FLII: variants seen among roughly 807,000 people sequenced by gnomAD.
The protein encoded by FLII is FLII actin remodeling protein.
Under a neutral mutation model 156.2 loss-of-function variants are expected in FLII, and 101 were observed. That is an observed-to-expected ratio of 0.65 (90% CI 0.55 to 0.76). The LOEUF is 0.76. Among genes scored for constraint, FLII ranks in the 30% least tolerant of loss-of-function variants. The pLI, the probability that FLII is intolerant of heterozygous loss-of-function variation, is 0.00. For missense variants in FLII, 1,675 were observed against 1,682.8 expected, an observed-to-expected ratio of 1.00 and a Z score of 0.08; for synonymous variants, 767 against 685.8, an observed-to-expected ratio of 1.12 and a Z score of -1.85.
In FLII at chr17:18,247,284, A is replaced by G; in HGVS notation, c.2561T>C (p.Leu854Pro). The part of the protein sequence containing the change: ...VDYTRNAEAV[L>P]QSPGLSGKVK... ...CTTCCCGGAGAGACCCGGGCTCTGC[A>G]GCACGGCCTCCGCATTGCGTGTGTA... Residue 854 changes from leucine to proline, a missense_variant, in exon 21 of 30, where the codon CTG becomes CCG. Around this residue, in one of 2 missense-constraint regions of FLII, gnomAD observed 1,332 missense variants for 1,269.3 expected, o/e 1.05. Coordinates refer to ENST00000327031, the MANE Select transcript of FLII (RefSeq NM_002018.4). The G allele has an allele frequency of 6.2e-7, 1 of 1,613,036 alleles. No individual in the cohort carries two copies. The highest frequency in any genetic ancestry group is 1.7e-4 in the Middle Eastern group (1 of 6,056).
chr17:18,246,139 C>G (rs769898644), intron 25 of FLII, 23 bp downstream of exon 25: 7 of 1,614,198 alleles, frequency 4.3e-6, no homozygotes, highest in Non-Finnish European at 5.9e-6. Flanking sequence ...CCACGGAGTC[C>G]TGGCTCACAC....
intron 2 of FLII, 132 bp from the exon 3 acceptor site, chr17:18,256,729 C>T (rs1351924389): frequency 1.2e-6 from 1 of 842,846 alleles, no homozygotes; most frequent in East Asian, 2.7e-5. Flanking sequence ...AGCTTCCCTC[C>T]CTCACTCACC....
Position 18,245,670 on chromosome 17 carries a change from A to C in FLII, c.3504-10T>G, listed in dbSNP as rs772729702. 9.9e-6 allele frequency: 16 copies of C among 1,613,278 alleles called. No homozygotes were observed. In the Admixed American group the frequency reaches 2.7e-4, roughly 27 times the overall value. On this transcript the variant is annotated splice_polypyrimidine_tract_variant and intron_variant, in intron 27 of 29. Transcript: ENST00000327031. ...CTTCTCGTTGGAGCACCTGGGAATC[A>C]AGGGTCAAGGTGAGGCCAGAGGTCA...
chr17:18,251,863 C>T (rs772556206), intron 11 of FLII, 47 bp from the exon 12 acceptor site: 1 of 1,611,142 alleles, frequency 6.2e-7, no homozygotes, highest in African/African-American at 1.3e-5. Flanking sequence ...CCTGCTGCCC[C>T]CTTGGGCATG....
At chr17:18,255,419 C>T (rs895388988) in intron 3 of FLII, among the ~76,000 whole-genome samples, 156 bp from the exon 4 acceptor site, 1 of 152,138 alleles carries the variant, frequency 6.6e-6, no homozygotes, top group African/African-American at 2.4e-5. Context: ...TCTCCTGGAG[C>T]GCTCTTCCTA....
rs1197037524 is a variant in FLII at position 18,247,660 on chromosome 17, C to T, written c.2484G>A (p.Ala828=). 3 of 1,584,408 alleles carry T rather than the reference C, an allele frequency of 1.9e-6. No individual in the cohort carries two copies. In the East Asian group the frequency reaches 6.7e-5, roughly 36 times the overall value. ...TVSRSLEGTE[A]QVFKAKFKNW... ...GCCTCCGAAGCTGCAAGCGCACCTGCGCCTCGGTGCCCTCGAGGCTGCGGC... is the reference window on the plus strand; with the variant it reads ...GCCTCCGAAGCTGCAAGCGCACCTGTGCCTCGGTGCCCTCGAGGCTGCGGC... The change falls in exon 20 of 30, where the codon GCG becomes GCA. Residue 828 remains alanine, a synonymous_variant. Transcript: ENST00000327031.
Position 18,246,187 on chromosome 17 carries a change from T to C in FLII, c.3242A>G (p.Asn1081Ser), listed in dbSNP as rs1463230479. Residue 1081 changes from asparagine to serine, a missense_variant, in exon 25 of 30, where the codon AAC becomes AGC. This residue lies in a region of FLII where 1,332 missense variants were observed against 1,269.3 expected (regional missense o/e 1.05). Transcript: ENST00000327031. ...CTTGAGGATGAAGCAGAACTCGGAGTTGAGGAGGCTGGAGTCGGTGTTGAT... is the reference window on the plus strand; with the variant it reads ...CTTGAGGATGAAGCAGAACTCGGAGCTGAGGAGGCTGGAGTCGGTGTTGAT... Reference protein sequence around the residue: ...IQINTDSSLLNSEFCFILKVP... With the variant: ...IQINTDSSLLSSEFCFILKVP... 4 of 1,613,690 alleles carry C rather than the reference T, an allele frequency of 2.5e-6. No homozygotes were observed. Among genetic ancestry groups the C allele is most frequent in the South Asian group, 2.2e-5 (2 of 91,060 alleles).
chr17:18,258,339 C>A lies in FLII; in HGVS notation c.63+289G>T. 1.4e-6 allele frequency: 1 copy of A among 721,000 alleles called. No individual in the cohort carries two copies. 44.7% of individuals were successfully genotyped at this position (721,000 alleles called of 1,614,324 possible). A position where few individuals can be genotyped will look rare whatever the true frequency, so the allele number is the denominator to read the frequency against. On this transcript the variant is annotated intron_variant, in intron 1 of 29. Transcript: ENST00000327031. This position sits in a 1 kb window ranked among gnomAD's most constrained non-coding sequence, Gnocchi z 4.2. The stretch of plus-strand genomic sequence containing the variant: ...GCCCGATCCCCAGGCCACCATCCAG[C>A]CTAGACCGAGAACACGGACGCGGGG...
Position 18,251,387 on chromosome 17 carries a change from T to G in FLII, c.1474A>C (p.Thr492Pro). The G allele has an allele frequency of 6.2e-7, 1 of 1,613,618 alleles. No individual in the cohort carries two copies. The highest frequency in any genetic ancestry group is 8.5e-7 in the Non-Finnish European group (1 of 1,180,004). The stretch of plus-strand genomic sequence containing the variant: ...CCGGGCAGCTGGCCCACGTCCTCCG[T>G]GAAGAACTCGGAGTAGTCAAGGCGG... ...KPRLDYSEFF[T>P]EDVGQLPGLT... is the part of the protein sequence containing the mutation. The change falls in exon 13 of 30, where the codon ACG becomes CCG. Residue 492 changes from threonine (T) to proline (P), a missense_variant. Thr to Pro is a conservative substitution (Grantham distance 38, BLOSUM62 -1). Around this residue, in one of 2 missense-constraint regions of FLII, gnomAD observed 1,332 missense variants for 1,269.3 expected, o/e 1.05. Coordinates refer to ENST00000327031, the MANE Select transcript of FLII (RefSeq NM_002018.4).
Position 18,245,551 on chromosome 17 carries a change from A to G in FLII, c.3609+4T>C, listed in dbSNP as rs2048010490. The G allele has an allele frequency of 6.2e-7, 1 of 1,613,368 alleles. No individual in the cohort carries two copies. Among genetic ancestry groups the G allele is most frequent in the Non-Finnish European group, 8.5e-7 (1 of 1,179,704 alleles). ...GATGGGCAGGGCTAGTGGCAACATC[A>G]CACCTCTTGGCCATTGTCTAGCAAC... On this transcript the variant is annotated splice_donor_region_variant and intron_variant, in intron 28 of 29. Coordinates refer to ENST00000327031, the MANE Select transcript of FLII (RefSeq NM_002018.4).
chr17:18,247,553 T>C (rs1335709577), intron 20 of FLII, 104 bp downstream of exon 20: 8 of 1,164,166 alleles, frequency 6.9e-6, no homozygotes, highest in Non-Finnish European at 9.4e-6. Context: ...AAAGAGGAGG[T>C]GGGTTTGGGC....
rs771111506 is a variant in FLII at position 18,246,319 on chromosome 17, G to A, written c.3195C>T (p.Ala1065=). 1.2e-6 allele frequency: 2 copies of A among 1,613,880 alleles called. No homozygotes were observed. The highest frequency in any genetic ancestry group is 1.1e-5 in the South Asian group (1 of 91,088). The change falls in exon 24 of 30, where the codon GCC becomes GCT. Residue 1065 remains alanine (A), a synonymous_variant. Coordinates refer to ENST00000327031, the MANE Select transcript of FLII (RefSeq NM_002018.4). ...SLYQIRTNGS[A]LCTRCIQINT... ...CCCCAGCCAGGCACCGGGTGCAGAG[G>A]GCGCTGCCGTTGGTGCGGATCTGGT... is the stretch of plus-strand genomic sequence containing the variant.
Position 18,246,439 on chromosome 17 carries a change from C to T in FLII, c.3075G>A (p.Gln1025=), listed in dbSNP as rs776308524. ...AATGGGACAGGAACTTGGGGTTCTC[C>T]TGCTGCTGCGTCATGCGTACCACCT... ...KLEVVRMTQQ[Q]ENPKFLSHFK... The change falls in exon 24 of 30, where the codon CAG becomes CAA. Residue 1025 remains glutamine (Q), a synonymous_variant. Coordinates refer to ENST00000327031, the MANE Select transcript of FLII (RefSeq NM_002018.4). 10 of 1,613,992 alleles carry T rather than the reference C, an allele frequency of 6.2e-6. No homozygotes were observed. Among genetic ancestry groups the T allele is most frequent in the Admixed American group, 1.7e-5 (1 of 60,030 alleles).
Position 18,256,817 on chromosome 17 carries a change from C to G in FLII, c.174+92G>C. On this transcript the variant is annotated intron_variant, in intron 2 of 29. Transcript: ENST00000327031. ...GCTCTGCTCATAGCTGTCGGTGTTC[C>G]TCTCTCTGGAGAAGTTGTCTGCCTT... The G allele has an allele frequency of 3.4e-6, 3 of 890,266 alleles. No homozygotes were observed. In the East Asian group the frequency reaches 8.0e-5, roughly 24 times the overall value. The allele number at this position is 890,266 out of a possible 1,614,324, so 55.1% of individuals were successfully genotyped here.
chr17:18,245,517 GCC>G, intron 28 of FLII, 36 bp downstream of exon 28: 1 of 1,609,792 alleles, frequency 6.2e-7, no homozygotes, highest in African/African-American at 1.3e-5. Flanking sequence ...GTCTATGGGC[GCC>G]TCCTTGGATG....
At chr17:18,254,466 C>A in intron 6 of FLII, 55 bp downstream of exon 6, 2 of 1,525,714 alleles carry the variant, frequency 1.3e-6, no homozygotes, top group East Asian at 2.3e-5. Context: ...TGAAGGGGCC[C>A]GGCCAGACTC....
Position 18,251,751 on chromosome 17 carries a change from G to T in FLII, c.1312C>A (p.Gln438Lys), listed in dbSNP as rs777838392. ...MRLRRRKDSA[Q>K]DDQAKQVLKG... ...AGCACCTGCTTGGCCTGGTCATCCT[G>T]GGCTGAATCCTTGCGCCTCCGCAGT... The change falls in exon 12 of 30, where the codon CAG (glutamine) becomes AAG (lysine). Residue 438 changes from glutamine (Q) to lysine (K), a missense_variant. Physicochemically the swap from Gln to Lys is moderately conservative, Grantham distance 53 (BLOSUM62 1). Around this residue, in one of 2 missense-constraint regions of FLII, gnomAD observed 1,332 missense variants for 1,269.3 expected, o/e 1.05. Transcript: ENST00000327031. 1.2e-6 allele frequency: 2 copies of T among 1,613,998 alleles called. No individual in the cohort carries two copies. Among genetic ancestry groups the T allele is most frequent in the South Asian group, 2.2e-5 (2 of 91,090 alleles).
In FLII at chr17:18,245,415, T is replaced by C. The variant is rs769984657; in HGVS notation, c.3614A>G (p.Tyr1205Cys). The C allele has an allele frequency of 7.4e-6, 12 of 1,613,982 alleles. No homozygotes were observed. The Admixed American group carries it at 1.0e-4, about 13-fold the overall frequency. Residue 1205 changes from tyrosine (Y) to cysteine (C), a missense_variant, in exon 29 of 30, where the codon TAC (tyrosine) becomes TGC (cysteine). Physicochemically the swap from Tyr to Cys is radical, Grantham distance 194 (BLOSUM62 -2). Coordinates refer to ENST00000327031, the MANE Select transcript of FLII (RefSeq NM_002018.4). ...IMLLDNGQEV[Y>C]MWVGTQTSQV... ...GCTAGTCTGGGTCCCCACCCACATG[T>C]AGACCTGTGGGGGCAGCAGGGGAGA... is the stretch of plus-strand genomic sequence containing the variant.
At position 18,249,321 on chromosome 17, in the gene FLII, C is replaced by T; in HGVS notation, c.1859+5G>A. ...CCATACCCCCCACTGCCCACACACCCTCACCTGGTGACATAGTGTGTGTCT... is the reference window on the plus strand; with the variant it reads ...CCATACCCCCCACTGCCCACACACCTTCACCTGGTGACATAGTGTGTGTCT... On this transcript the variant is annotated splice_donor_5th_base_variant and intron_variant, in intron 15 of 29. Transcript: ENST00000327031. The T allele has an allele frequency of 6.2e-7, 1 of 1,613,918 alleles. No individual in the cohort carries two copies. The highest frequency in any genetic ancestry group is 8.5e-7 in the Non-Finnish European group (1 of 1,179,756).
Sources: gnomAD v4.1 joint callset for allele counts (sites outside exome capture counted in the v4.1 genomes callset) on GRCh38, gnomAD v4.1.1 for gene constraint, gnomAD v4.1.1 regional missense constraint, Gnocchi (gnomAD v3.1) non-coding constraint, MANE v1.5 for transcripts, NCBI Gene and HGNC (gene_info 2026-07-23, HGNC 2026-07-21) for gene names.